The following PSME4 variants were observed in gnomAD, a reference collection of about 807,000 sequenced individuals.
PSME4 encodes proteasome activator complex subunit 4.
PSME4 carries 89 observed loss-of-function variants against 253.9 expected under a neutral mutation model. That is an observed-to-expected ratio of 0.35 (90% CI 0.30 to 0.42). PSME4 has a LOEUF of 0.42. Ranked by LOEUF, PSME4 falls within the 10% of genes least tolerant of loss-of-function variation. The pLI is 1.00. For missense variants in PSME4, 2,014 were observed against 2,195.2 expected (o/e 0.92, Z 1.65); for synonymous variants, 851 against 759.2 (o/e 1.12, Z -1.99).
At chr2:53,885,568 C>T (rs942631400) in intron 41 of PSME4, 122 bp downstream of exon 41, 19 of 628,984 alleles carry the variant, frequency 3.0e-5, no homozygotes, top group Non-Finnish European at 4.9e-5. Context: ...TGTGACCATT[C>T]TACTTTTCAG....
At chr2:53,920,494 T>G (rs1282796046) in intron 18 of PSME4, 144 bp from the exon 19 acceptor site, 1 of 850,822 alleles carries the variant, frequency 1.2e-6, no homozygotes, top group East Asian at 2.7e-5. Flanking sequence ...TACAAAAAAG[T>G]AGCATGAAAA....
chr2:53,948,948 GT>G (rs1405337904), intron 2 of PSME4, among the ~76,000 whole-genome samples, 194 bp downstream of exon 2: 1 of 152,198 alleles, frequency 6.6e-6, no homozygotes, highest in Non-Finnish European at 1.5e-5. Context: ...AAGAGACCAT[GT>G]CATGGAAGAG....
At chr2:53,879,801 CA>C (rs55730803) in intron 41 of PSME4, among the ~76,000 whole-genome samples, 14,684 of 89,774 alleles carry the variant, frequency 0.16, 704 homozygotes, top group East Asian at 0.29. Context: ...GACCCTGTCT[CA>C]AAAAAAAAAA....
intron 45 of PSME4, 94 bp downstream of exon 45, chr2:53,866,653 G>T: frequency 7.6e-7 from 1 of 1,322,748 alleles, no homozygotes; most frequent in Non-Finnish European, 1.0e-6. Flanking sequence ...CTTTATGAAA[G>T]CAGTTAGTTC....
chr2:53,962,186 G>C (rs913770234), intron 1 of PSME4, among the ~76,000 whole-genome samples: 5 of 152,014 alleles, frequency 3.3e-5, no homozygotes, highest in Admixed American at 2.6e-4. Context: ...TGTTTGCAAG[G>C]GTCTTTGAAT....
chr2:53,927,974 T>A, intron 11 of PSME4, 143 bp downstream of exon 11: 1 of 628,354 alleles, frequency 1.6e-6, no homozygotes, highest in South Asian at 3.1e-5. Flanking sequence ...AATAAACAAC[T>A]GTTACTTTAA....
intron 17 of PSME4, among the ~76,000 whole-genome samples, chr2:53,922,115 T>G (rs984249550): frequency 6.6e-6 from 1 of 151,910 alleles, no homozygotes; most frequent in African/African-American, 2.4e-5. Context: ...GAGTTTGCAG[T>G]GAGCCGAGAT....
In PSME4 at chr2:53,940,952, C is replaced by CATATTTAAATATATAT. The variant is rs61078234; in HGVS notation, c.501-953_501-952insATATATATTTAAATAT. ...TAATACATATATAAATATATATATA[C>CATATTTAAATATATAT]ATATATATATATATATATATATATA... On this transcript the variant is annotated intron_variant, in intron 3 of 46. Coordinates refer to ENST00000404125, the MANE Select transcript of PSME4 (RefSeq NM_014614.3). 3.0e-3 allele frequency among the ~76,000 whole-genome samples: 71 copies of CATATTTAAATATATAT among 24,010 alleles called. 7 individuals are homozygous for CATATTTAAATATATAT. Among genetic ancestry groups the CATATTTAAATATATAT allele is most frequent in the East Asian group, 0.013 (11 of 846 alleles). The allele number at this position is 24,010 out of a possible 152,430, so 15.8% of individuals were successfully genotyped here. A position where few individuals can be genotyped will look rare whatever the true frequency, so the allele number is the denominator to read the frequency against.
intron 1 of PSME4, among the ~76,000 whole-genome samples, chr2:53,951,649 C>G (rs965868675): frequency 6.6e-6 from 1 of 152,108 alleles, no homozygotes; most frequent in African/African-American, 2.4e-5. Context: ...AATCCGAAAC[C>G]CTCCAAAATC....
chr2:53,966,757 G>C (rs918012074), intron 1 of PSME4, among the ~76,000 whole-genome samples: 1 of 151,984 alleles, frequency 6.6e-6, no homozygotes, highest in South Asian at 2.1e-4. Context: ...TGCCGAGGCT[G>C]GAGTGGCGCT....
chr2:53,916,528 C>T (rs755442098), intron 20 of PSME4, among the ~76,000 whole-genome samples: 1 of 152,126 alleles, frequency 6.6e-6, no homozygotes, highest in Non-Finnish European at 1.5e-5. Context: ...CTGATAATCA[C>T]CATAAATCAT....
At chr2:53,935,202 A>C (rs1573326340) in intron 7 of PSME4, among the ~76,000 whole-genome samples, 1 of 152,180 alleles carries the variant, frequency 6.6e-6, no homozygotes, top group Non-Finnish European at 1.5e-5. Context: ...TTTTTCCCTA[A>C]GAATTTGTAT....
chr2:53,920,474 G>T, intron 18 of PSME4, 124 bp from the exon 19 acceptor site: 3 of 959,588 alleles, frequency 3.1e-6, no homozygotes, highest in Non-Finnish European at 4.5e-6. Flanking sequence ...ACCTAAGGTA[G>T]CAAATGATAT....
At chr2:53,871,785 G>T (rs6720298) in intron 43 of PSME4, among the ~76,000 whole-genome samples, 1 of 151,886 alleles carries the variant, frequency 6.6e-6, no homozygotes. Context: ...AGGCCCAGGC[G>T]GGTGGATCAC....
chr2:53,932,031 T>G lies in PSME4; in HGVS notation c.1120A>C (p.Lys374Gln), dbSNP rs746888385. The part of the protein sequence containing the change: ...VVRRLHRERY[K>Q]KPSWLTPVPD... ...ACAGGAGTTAACCAAGAGGGCTTCT[T>G]GTATCTTTCACGATGCAATCTTCTA... Residue 374 changes from lysine to glutamine, a missense_variant, in exon 10 of 47, where the codon AAG (lysine) becomes CAG (glutamine). By Grantham distance (53) the Lys-to-Gln change is moderately conservative. This residue lies in a region of PSME4 where 615 missense variants were observed against 594.4 expected (regional missense o/e 1.03). Coordinates refer to ENST00000404125, the MANE Select transcript of PSME4 (RefSeq NM_014614.3). The G allele has an allele frequency of 1.2e-6, 2 of 1,613,628 alleles. No individual in the cohort carries two copies. Among genetic ancestry groups the G allele is most frequent in the African/African-American group, 2.7e-5 (2 of 74,930 alleles).
In PSME4 at chr2:53,949,660, T is replaced by C. The variant is rs781370349; in HGVS notation, c.243-377A>G. ...TACGCCAGTCACAAAAGACAAATAC[T>C]GTGTAGGTATCCAAAGTAATCAAAC... On this transcript the variant is annotated intron_variant, in intron 1 of 46. Transcript: ENST00000404125. Among the ~76,000 whole-genome samples the C allele has an allele frequency of 6.0e-4, 91 of 152,258 alleles. 1 individual carries two copies. Among genetic ancestry groups the C allele is most frequent in the Non-Finnish European group, 1.6e-4 (11 of 68,014 alleles).
At chr2:53,932,128 A>C (rs1457568461) in intron 9 of PSME4, 28 bp from the exon 10 acceptor site, 2 of 1,602,300 alleles carry the variant, frequency 1.2e-6, no homozygotes, top group Non-Finnish European at 1.7e-6. Flanking sequence ...AAAAGTTCTA[A>C]GTAGGTTCTA....
intron 3 of PSME4, among the ~76,000 whole-genome samples, chr2:53,942,000 TAAC>T (rs1363809094): frequency 6.6e-6 from 1 of 152,172 alleles, no homozygotes; most frequent in East Asian, 1.9e-4. Flanking sequence ...AAGTTAATTA[TAAC>T]ACTTGATAGA....
intron 36 of PSME4, among the ~76,000 whole-genome samples, chr2:53,891,306 T>C (rs1318239986): frequency 1.3e-5 from 2 of 152,214 alleles, no homozygotes; most frequent in African/African-American, 2.4e-5. Context: ...TTAATGAGCA[T>C]ACAAATCACC....
Sources: gnomAD v4.1 joint callset for allele counts (sites outside exome capture counted in the v4.1 genomes callset) on GRCh38, gnomAD v4.1.1 for gene constraint, gnomAD v4.1.1 regional missense constraint, MANE v1.5 for transcripts, NCBI Gene and HGNC (gene_info 2026-07-23, HGNC 2026-07-21) for gene names.